TRPM3: variants seen among roughly 807,000 people sequenced by gnomAD.
TRPM3 encodes transient receptor potential cation channel subfamily M member 3, also known as long transient receptor potential channel 3.
In TRPM3, 77 loss-of-function variants were observed where a neutral mutation model predicts 181.2. The ratio of observed to expected loss-of-function variants is 0.42; its 90% confidence interval spans 0.35 to 0.51. The LOEUF (loss-of-function observed/expected upper bound fraction) is 0.51. Ranked by LOEUF, TRPM3 falls within the 20% of genes least tolerant of loss-of-function variation. The probability of loss-of-function intolerance (pLI) is 0.01; values close to 1 mark genes in which losing one functional copy is unlikely to be tolerated. For missense variants in TRPM3, 1,759 were observed against 2,196.7 expected, an observed-to-expected ratio of 0.80 and a Z score of 3.98; for synonymous variants, 745 against 796.4, an observed-to-expected ratio of 0.94 and a Z score of 1.09.
intron 8 of TRPM3, among the ~76,000 whole-genome samples, chr9:70,751,999 A>AGTGTGTGTGTGTGT (rs71507124): frequency 4.8e-5 from 5 of 104,494 alleles, no homozygotes; most frequent in Non-Finnish European, 9.6e-5. Flanking sequence ...ACATCTCAAC[A>AGTGTGTGTGTGTGT]GTGTGTGTGT....
chr9:71,385,276 TTC>T (rs1373145910), intron 1 of TRPM3, among the ~76,000 whole-genome samples: 4 of 152,332 alleles, frequency 2.6e-5, no homozygotes, highest in East Asian at 3.9e-4. Context: ...TGAAAAATAT[TTC>T]TTTCTTTAAT....
intron 1 of TRPM3, among the ~76,000 whole-genome samples, chr9:71,243,497 C>T (rs980236818): frequency 6.6e-6 from 1 of 152,196 alleles, no homozygotes; most frequent in South Asian, 2.1e-4. Flanking sequence ...GTATTACTTG[C>T]AACTTTTCCT....
chr9:70,662,997 C>T (rs959692842), intron 9 of TRPM3, among the ~76,000 whole-genome samples: 2 of 152,092 alleles, frequency 1.3e-5, no homozygotes, highest in Non-Finnish European at 2.9e-5. Flanking sequence ...CATAAGCGCC[C>T]ATCAATTAAT....
intron 1 of TRPM3, among the ~76,000 whole-genome samples, chr9:71,050,676 A>G (rs995550320): frequency 2.0e-5 from 3 of 152,236 alleles, no homozygotes; most frequent in Non-Finnish European, 2.9e-5. Context: ...TATCAATAAC[A>G]TACCTGTACA....
intron 1 of TRPM3, among the ~76,000 whole-genome samples, chr9:71,428,447 G>A (rs1418472380): frequency 2.6e-5 from 4 of 151,954 alleles, no homozygotes; most frequent in African/African-American, 9.7e-5. Context: ...CATCAAGTTT[G>A]GGAACCCTTC....
intron 1 of TRPM3, among the ~76,000 whole-genome samples, chr9:71,268,114 C>T (rs1311377840): frequency 6.6e-6 from 1 of 152,186 alleles, no homozygotes; most frequent in African/African-American, 2.4e-5. Flanking sequence ...GGTGTGGTGG[C>T]TCAAGCCTGT....
intron 8 of TRPM3, among the ~76,000 whole-genome samples, chr9:70,745,678 C>T (rs2075028010): frequency 6.6e-6 from 1 of 152,140 alleles, no homozygotes; most frequent in African/African-American, 2.4e-5. Context: ...CTATAAAAGG[C>T]TTGATTCCTC....
chr9:70,549,515 C>G, intron 25 of TRPM3, 27 bp downstream of exon 25: 1 of 1,596,648 alleles, frequency 6.3e-7, no homozygotes, highest in African/African-American at 1.3e-5. Flanking sequence ...AACACATCTG[C>G]AGGAGGCAGG....
chr9:71,019,177 A>G lies in TRPM3; in HGVS notation c.177+102001T>C, dbSNP rs1336100257. Among the ~76,000 whole-genome samples the G allele has an allele frequency of 2.6e-5, 4 of 151,964 alleles. No individual in the cohort carries two copies. In the East Asian group the frequency reaches 7.7e-4, roughly 29 times the overall value. Reference sequence around the variant, plus strand: ...ATATGATCTTTAATAGTAAATATTAAAAGCTTTCCTCTGGAGACCTGGAAA... The same window carrying G: ...ATATGATCTTTAATAGTAAATATTAGAAGCTTTCCTCTGGAGACCTGGAAA... On this transcript the variant is annotated intron_variant, in intron 1 of 25. Coordinates refer to ENST00000677713, the MANE Select transcript of TRPM3 (RefSeq NM_001366145.2).
At chr9:70,677,364 T>C (rs2064253306) in intron 9 of TRPM3, among the ~76,000 whole-genome samples, 1 of 152,240 alleles carries the variant, frequency 6.6e-6, no homozygotes, top group Non-Finnish European at 1.5e-5. Context: ...ACACTGCCTA[T>C]TGGGTAGCCC....
At chr9:71,077,445 T>C (rs1371245262) in intron 1 of TRPM3, among the ~76,000 whole-genome samples, 1 of 152,222 alleles carries the variant, frequency 6.6e-6, no homozygotes, top group Non-Finnish European at 1.5e-5. Flanking sequence ...TCAGGTCATC[T>C]CTTTCTCACA....
intron 1 of TRPM3, among the ~76,000 whole-genome samples, chr9:71,326,874 G>A (rs1041397549): frequency 2.0e-5 from 3 of 152,148 alleles, no homozygotes; most frequent in African/African-American, 7.2e-5. Flanking sequence ...GCAGTTCCCA[G>A]GCTCCAATCT....
intron 9 of TRPM3, among the ~76,000 whole-genome samples, chr9:70,661,133 G>T (rs1389549302): frequency 6.6e-6 from 1 of 151,204 alleles, no homozygotes; most frequent in Non-Finnish European, 1.5e-5. Context: ...TTTAACATAT[G>T]CAAGTCAAGT....
At chr9:71,002,822 TTAAGAA>T (rs1205561834) in intron 1 of TRPM3, among the ~76,000 whole-genome samples, 3 of 152,158 alleles carry the variant, frequency 2.0e-5, no homozygotes, top group Non-Finnish European at 4.4e-5. Flanking sequence ...TATGTACCTC[TTAAGAA>T]TAAGAATATT....
chr9:70,551,691 C>A (rs2046487183), intron 24 of TRPM3, among the ~76,000 whole-genome samples: 1 of 152,204 alleles, frequency 6.6e-6, no homozygotes, highest in African/African-American at 2.4e-5. Flanking sequence ...TAGCCCTCAG[C>A]ATGTTATCCA....
intron 6 of TRPM3, among the ~76,000 whole-genome samples, chr9:70,803,452 T>G (rs1462319720): frequency 7.0e-5 from 2 of 28,480 alleles, no homozygotes; most frequent in African/African-American, 4.2e-4. Context: ...GTTTTTGTTG[T>G]TTTTTTTTTT....
intron 14 of TRPM3, among the ~76,000 whole-genome samples, chr9:70,621,507 G>C (rs2063637587): frequency 6.6e-6 from 1 of 152,064 alleles, no homozygotes; most frequent in South Asian, 2.1e-4. Flanking sequence ...TGAGAGTACA[G>C]GTGCATGTTA....
chr9:71,104,018 G>A (rs925725580), intron 1 of TRPM3, among the ~76,000 whole-genome samples: 9 of 151,906 alleles, frequency 5.9e-5, no homozygotes, highest in East Asian at 1.9e-4. Context: ...TGGTTCAAGC[G>A]ATTCTCCTGC....
intron 1 of TRPM3, among the ~76,000 whole-genome samples, chr9:71,210,268 A>C (rs1587970273): frequency 6.6e-6 from 1 of 151,474 alleles, no homozygotes; most frequent in African/African-American, 2.4e-5. Context: ...GTCTCCCATC[A>C]CCCCCGGATG....
Sources: gnomAD v4.1 joint callset for allele counts (sites outside exome capture counted in the v4.1 genomes callset) on GRCh38, gnomAD v4.1.1 for gene constraint, MANE v1.5 for transcripts, NCBI Gene and HGNC (gene_info 2026-07-23, HGNC 2026-07-21) for gene names.